The following DECR2 variants were observed in gnomAD, a reference collection of about 807,000 sequenced individuals.
DECR2 encodes 2,4-dienoyl-CoA reductase 2.
In DECR2, 34 loss-of-function variants were observed where a neutral mutation model predicts 29.2. That is an observed-to-expected ratio of 1.16 (90% CI 0.89 to 1.55). The LOEUF (loss-of-function observed/expected upper bound fraction) is 1.55. Among genes scored for constraint, DECR2 ranks in the 40% most tolerant of loss-of-function variants. The pLI is 0.00. For missense variants in DECR2, 485 were observed against 425.3 expected (o/e 1.14, Z -1.23); for synonymous variants, 224 against 182.7 (o/e 1.23, Z -1.82).
intron 4 of DECR2, among the ~76,000 whole-genome samples, chr16:408,717 G>A (rs1289173138): frequency 6.6e-6 from 1 of 151,754 alleles, no homozygotes; most frequent in Non-Finnish European, 1.5e-5. Context: ...GTCTTAGTGT[G>A]TGTTGCTCAG....
At chr16:404,181 TAAA>T (rs1381456352) in intron 1 of DECR2, among the ~76,000 whole-genome samples, 1 of 151,106 alleles carries the variant, frequency 6.6e-6, no homozygotes, top group Non-Finnish European at 1.5e-5. Context: ...TCAAAAAAAA[TAAA>T]AAATAAATAA....
chr16:408,480 C>T (rs1477485222), intron 4 of DECR2, among the ~76,000 whole-genome samples: 1 of 151,796 alleles, frequency 6.6e-6, no homozygotes, highest in Non-Finnish European at 1.5e-5. Flanking sequence ...GTCGGGTGCC[C>T]TTGTGTCCTG....
chr16:409,258 G>A (rs562803176), intron 4 of DECR2, among the ~76,000 whole-genome samples: 13 of 152,030 alleles, frequency 8.6e-5, no homozygotes, highest in East Asian at 5.8e-4. Context: ...TGCAAGCTCC[G>A]CCTCCCGGGT....
rs1307652710 is a variant in DECR2 at position 412,424 on chromosome 16, T to G, written c.*535T>G. On this transcript the variant is annotated 3_prime_UTR_variant, in exon 9 of 9. Transcript: ENST00000219481. ...TAATCTATTTACTGTAAAAATAAATTGGACTTTGCAAAAGCTTTTAGAAGG... is the reference window on the plus strand; with the variant it reads ...TAATCTATTTACTGTAAAAATAAATGGGACTTTGCAAAAGCTTTTAGAAGG... 6.6e-6 allele frequency: 1 copy of G among 152,206 alleles called. No individual in the cohort carries two copies. The highest frequency in any genetic ancestry group is 2.4e-5 in the African/African-American group (1 of 41,432). The allele number at this position is 152,206 out of a possible 1,614,324, so 9.4% of individuals were successfully genotyped here.
At chr16:405,049 C>T in intron 2 of DECR2, 25 bp downstream of exon 2, 2 of 1,608,208 alleles carry the variant, frequency 1.2e-6, no homozygotes, top group African/African-American at 1.3e-5. Flanking sequence ...TGTCCCTTCC[C>T]TGCTCCTCGC....
chr16:406,284 G>A (rs966343040), intron 2 of DECR2, 62 bp from the exon 3 acceptor site: 3 of 1,424,308 alleles, frequency 2.1e-6, no homozygotes, highest in Admixed American at 4.5e-5. Flanking sequence ...TCAGGAGCTG[G>A]GCAGATGCCC....
At chr16:407,630 CT>C (rs1186043015) in intron 4 of DECR2, 70 bp downstream of exon 4, 2 of 1,589,150 alleles carry the variant, frequency 1.3e-6, no homozygotes, top group African/African-American at 2.7e-5. Context: ...CCCTAGAACT[CT>C]GGTCATGGGG....
chr16:411,592 C>T lies in DECR2; in HGVS notation c.*14C>T, dbSNP rs1299500888. The T allele has an allele frequency of 3.1e-6, 5 of 1,599,754 alleles. No individual in the cohort carries two copies. The highest frequency in any genetic ancestry group is 1.1e-5 in the South Asian group (1 of 88,992). Reference sequence around the variant, plus strand: ...GCTAAGCTCTAGGTGAGGTACTGCTCCCGCTTCTTGGGGTCATCTGTGTCC... The same window carrying T: ...GCTAAGCTCTAGGTGAGGTACTGCTTCCGCTTCTTGGGGTCATCTGTGTCC... On this transcript the variant is annotated intron_variant, in intron 8 of 8. Transcript: ENST00000219481.
At chr16:405,468 C>T in intron 2 of DECR2, 1 of 1,229,854 alleles carries the variant, frequency 8.1e-7, no homozygotes, top group Non-Finnish European at 1.1e-6. Flanking sequence ...AAGGTGAGTC[C>T]CACAGGAAGA....
chr16:402,728 A>G lies in DECR2; in HGVS notation c.80+685A>G, dbSNP rs565468279. 1.1e-3 allele frequency among the ~76,000 whole-genome samples: 172 copies of G among 151,872 alleles called. 1 individual carries two copies. Among genetic ancestry groups the G allele is most frequent in the African/African-American group, 3.9e-3 (160 of 41,406 alleles). On this transcript the variant is annotated intron_variant, in intron 1 of 8. Transcript: ENST00000219481. ...GCCAGGAGCAGTGGCTCACGCCTGT[A>G]ATCCCAGCTCTTTGGGAGGCCGAAG...
chr16:403,575 A>G (rs542251754), intron 1 of DECR2, among the ~76,000 whole-genome samples: 3 of 152,230 alleles, frequency 2.0e-5, no homozygotes, highest in Admixed American at 6.5e-5. Context: ...AAGCCAGGGT[A>G]TTTTTCTCTC....
At chr16:407,325 C>T (rs962095691) in intron 3 of DECR2, 100 bp from the exon 4 acceptor site, 3 of 1,486,398 alleles carry the variant, frequency 2.0e-6, no homozygotes, top group African/African-American at 2.8e-5. Flanking sequence ...AACCCAGGGT[C>T]CCCGAGGAAC....
chr16:403,220 A>G (rs1415446435), intron 1 of DECR2, among the ~76,000 whole-genome samples: 1 of 142,244 alleles, frequency 7.0e-6, no homozygotes, highest in East Asian at 2.1e-4. Flanking sequence ...GAGTGTCACC[A>G]TGTTGGTCAG....
At position 405,603 on chromosome 16, in the gene DECR2, C is replaced by T. The variant is rs554001501; in HGVS notation, c.149+579C>T. The T allele has an allele frequency of 5.7e-5, 74 of 1,304,160 alleles. No individual in the cohort carries two copies. In the Admixed American group the frequency reaches 6.7e-4, roughly 12 times the overall value. 80.8% of individuals were successfully genotyped at this position (1,304,160 alleles called of 1,614,324 possible). A position where few individuals can be genotyped will look rare whatever the true frequency, so the allele number is the denominator to read the frequency against. The stretch of plus-strand genomic sequence containing the variant: ...TTATGGTTATTGTGGGCAAGCAACC[C>T]CCGAACCAGAAGAGCCGAGAAACCA... On this transcript the variant is annotated intron_variant, in intron 2 of 8. Coordinates refer to ENST00000219481, the MANE Select transcript of DECR2 (RefSeq NM_020664.4).
At chr16:409,198 G>C (rs544372210) in intron 4 of DECR2, among the ~76,000 whole-genome samples, 1 of 148,450 alleles carries the variant, frequency 6.7e-6, no homozygotes, top group South Asian at 2.1e-4. Flanking sequence ...TTTTGAGAGA[G>C]TCTTGCTGTG....
Position 410,435 on chromosome 16 carries a change from C to T in DECR2, c.462+68C>T, listed in dbSNP as rs922870459. ...TGCCTCGTGCGCTCTGTGAGAAGTT[C>T]TTCCGGGTGGGTGCCTTGTGCGCTC... On this transcript the variant is annotated intron_variant, in intron 5 of 8. Coordinates refer to ENST00000219481, the MANE Select transcript of DECR2 (RefSeq NM_020664.4). The surrounding 1 kb of genome is among the most constrained non-coding windows in gnomAD (Gnocchi z 4.1). 8.2e-6 allele frequency: 13 copies of T among 1,581,474 alleles called. No individual in the cohort carries two copies. The East Asian group carries it at 1.1e-4, about 14-fold the overall frequency.
intron 1 of DECR2, 100 bp from the exon 2 acceptor site, chr16:404,856 C>T: frequency 8.8e-7 from 1 of 1,138,070 alleles, no homozygotes; most frequent in South Asian, 1.3e-5. Flanking sequence ...TCTCGATCTC[C>T]TGACCTTGTG....
At chr16:407,245 T>G in intron 3 of DECR2, 180 bp from the exon 4 acceptor site, 2 of 1,411,244 alleles carry the variant, frequency 1.4e-6, no homozygotes. Flanking sequence ...GCGTGGCAGG[T>G]TCCCACAAAC....
chr16:410,771 C>A lies in DECR2; in HGVS notation c.543C>A (p.Ala181=). Residue 181 remains alanine (A), a synonymous_variant, in exon 6 of 9, where the codon GCC becomes GCA. Coordinates refer to ENST00000219481, the MANE Select transcript of DECR2 (RefSeq NM_020664.4). This position sits in a 1 kb window ranked among gnomAD's most constrained non-coding sequence, Gnocchi z 4.1. ...GQALQVHAGS[A]KAAVDAMTRH... is the part of the protein sequence containing the mutation. ...CGCTCCAGGTGCATGCAGGCTCCGC[C>A]AAGGCCGCTGTGGGTATGACCACCC... 6.3e-7 allele frequency: 1 copy of A among 1,599,584 alleles called. No individual in the cohort carries two copies. Among genetic ancestry groups the A allele is most frequent in the Admixed American group, 1.7e-5 (1 of 58,112 alleles).
Sources: gnomAD v4.1 joint callset for allele counts (sites outside exome capture counted in the v4.1 genomes callset) on GRCh38, gnomAD v4.1.1 for gene constraint, Gnocchi (gnomAD v3.1) non-coding constraint, MANE v1.5 for transcripts, NCBI Gene and HGNC (gene_info 2026-07-23, HGNC 2026-07-21) for gene names.